Variants in MLLT1 observed in about 807,000 individuals in gnomAD.
MLLT1 encodes the protein protein ENL.
MLLT1 carries 11 observed loss-of-function variants against 55.1 expected under a neutral mutation model. The observed-to-expected ratio is 0.20, with a 90% CI of 0.13 to 0.33. The LOEUF (loss-of-function observed/expected upper bound fraction) is 0.33. Among genes scored for constraint, MLLT1 ranks in the 10% least tolerant of loss-of-function variants. MLLT1 has a pLI of 1.00. For synonymous variants in MLLT1, 323 were observed against 320.1 expected (o/e 1.01, Z -0.10); for missense variants, 536 against 760.6 (o/e 0.70, Z 3.47).
intron 2 of MLLT1, among the ~76,000 whole-genome samples, chr19:6,265,057 C>CAAAAAAAAAAAAA (rs1206210263): frequency 3.1e-5 from 1 of 32,600 alleles, no homozygotes; most frequent in Non-Finnish European, 6.8e-5. Context: ...AACAAAAAAA[C>CAAAAAAAAAAAAA]AAAAAAACAA....
rs2090875741 is a variant in MLLT1, at chr19:6,219,597, C to T, written c.1111-1556G>A. On this transcript the variant is annotated intron_variant, in intron 6 of 11. Coordinates refer to ENST00000252674, the MANE Select transcript of MLLT1 (RefSeq NM_005934.4). The surrounding 1 kb of genome is among the most constrained non-coding windows in gnomAD (Gnocchi z 4.5). ...CCAGCACCGCCAGCTGCCTGCACAC[C>T]GAGGCCAAGGCTAGTCCTCCCTTGA... Among the ~76,000 whole-genome samples the T allele has an allele frequency of 6.6e-6, 1 of 152,200 alleles. No individual in the cohort carries two copies. Among genetic ancestry groups the T allele is most frequent in the Admixed American group, 6.5e-5 (1 of 15,280 alleles).
chr19:6,249,228 T>G (rs2091194787), intron 3 of MLLT1, among the ~76,000 whole-genome samples: 1 of 152,192 alleles, frequency 6.6e-6, no homozygotes, highest in African/African-American at 2.4e-5. Flanking sequence ...ATACACTGAG[T>G]TAACCCAATT....
intron 2 of MLLT1, among the ~76,000 whole-genome samples, chr19:6,264,144 A>G (rs1157351434): frequency 6.6e-6 from 1 of 152,142 alleles, no homozygotes; most frequent in Non-Finnish European, 1.5e-5. Flanking sequence ...TAAAGCGGTT[A>G]TTAAAAAAAA....
intron 2 of MLLT1, among the ~76,000 whole-genome samples, chr19:6,267,755 C>T (rs867047060): frequency 2.6e-5 from 4 of 152,138 alleles, no homozygotes; most frequent in Admixed American, 6.5e-5. Context: ...AATCTATAAT[C>T]GGGGAGCGAA....
chr19:6,215,243 C>G (rs1013484773), intron 8 of MLLT1, among the ~76,000 whole-genome samples: 1 of 152,238 alleles, frequency 6.6e-6, no homozygotes. Flanking sequence ...AAAGGCGCTT[C>G]GCGTGTGGCT....
chr19:6,253,420 C>A (rs901424923), intron 3 of MLLT1, among the ~76,000 whole-genome samples: 17 of 152,022 alleles, frequency 1.1e-4, no homozygotes, highest in African/African-American at 3.6e-4. Flanking sequence ...ACAAACACCA[C>A]TCCTGCTCAA....
In MLLT1 at chr19:6,231,019, A is replaced by G. The variant is rs1378206636; in HGVS notation, c.277-306T>C. Among the ~76,000 whole-genome samples, 2 of 152,326 alleles carry G rather than the reference A, an allele frequency of 1.3e-5. No individual in the cohort carries two copies. The highest frequency in any genetic ancestry group is 1.3e-4 in the Admixed American group (2 of 15,308). On this transcript the variant is annotated intron_variant, in intron 3 of 11. Transcript: ENST00000252674. The surrounding 1 kb of genome is among the most constrained non-coding windows in gnomAD (Gnocchi z 5.1). ...AACCCTCACAGCGCCACTGACAGAC[A>G]GGGAAACCGACGCACAGACACCAAC...
chr19:6,260,784 T>C (rs1288211053), intron 3 of MLLT1, among the ~76,000 whole-genome samples: 2 of 152,230 alleles, frequency 1.3e-5, no homozygotes, highest in African/African-American at 4.8e-5. Flanking sequence ...AGGTTGAGGA[T>C]ACAGTGAGCT....
At chr19:6,244,777 T>C (rs922086570) in intron 3 of MLLT1, among the ~76,000 whole-genome samples, 2 of 151,750 alleles carry the variant, frequency 1.3e-5, no homozygotes, top group Admixed American at 1.3e-4. Flanking sequence ...AAGGGCAAAA[T>C]TCTGAACAGA....
In MLLT1 at chr19:6,218,029, T is replaced by A. The variant is rs2090862289; in HGVS notation, c.1123A>T (p.Ser375Cys). 1 of 1,609,422 alleles carries A rather than the reference T, an allele frequency of 6.2e-7. No individual in the cohort carries two copies. Among genetic ancestry groups the A allele is most frequent in the Admixed American group, 1.7e-5 (1 of 59,592 alleles). The stretch of plus-strand genomic sequence containing the variant: ...GAGCTGGAGCTGGAGTTGGACGGGC[T>A]TGACTGGGCAGACTTCACCCAATGG... Reference protein sequence around the residue: ...ASFKSESAQSSPSNSSSSSDS... With the variant: ...ASFKSESAQSCPSNSSSSSDS... The change falls in exon 7 of 12, where the codon AGC becomes TGC. Residue 375 changes from serine (S) to cysteine (C), a missense_variant. Ser to Cys is a moderately radical substitution (Grantham distance 112, BLOSUM62 -1). Transcript: ENST00000252674.
intron 3 of MLLT1, among the ~76,000 whole-genome samples, chr19:6,260,303 G>T (rs1387301798): frequency 6.6e-6 from 1 of 152,198 alleles, no homozygotes; most frequent in East Asian, 1.9e-4. Context: ...CAGGAAGTCA[G>T]GACAGAAACA....
intron 6 of MLLT1, among the ~76,000 whole-genome samples, chr19:6,221,671 A>T (rs190480064): frequency 6.6e-6 from 1 of 152,182 alleles, no homozygotes; most frequent in Non-Finnish European, 1.5e-5. Context: ...TGAAGCCCTC[A>T]TCATTAACCT....
intron 3 of MLLT1, among the ~76,000 whole-genome samples, chr19:6,248,358 G>T (rs571751101): frequency 3.7e-4 from 57 of 152,338 alleles, no homozygotes; most frequent in African/African-American, 1.3e-3. Flanking sequence ...GGATGGAGGG[G>T]TTAATTCCTC....
rs1397586564 is a variant in MLLT1 at position 6,230,507 on chromosome 19, C to G, written c.420+63G>C. 2 of 1,589,462 alleles carry G rather than the reference C, an allele frequency of 1.3e-6. No homozygotes were observed. The highest frequency in any genetic ancestry group is 4.5e-5 in the East Asian group (2 of 44,726). On this transcript the variant is annotated intron_variant, in intron 4 of 11. Transcript: ENST00000252674. This position sits in a 1 kb window ranked among gnomAD's most constrained non-coding sequence, Gnocchi z 9.0. ...ACCGACACCTCTGGCTGGGCACAGA[C>G]GGCCGCAGCAAAGTAGCCTCGGTGG...
chr19:6,243,171 C>T (rs1052350180), intron 3 of MLLT1, among the ~76,000 whole-genome samples: 12 of 152,286 alleles, frequency 7.9e-5, no homozygotes, highest in Middle Eastern at 3.4e-3. Context: ...GGTCACCAAG[C>T]GGTAAAGCTG....
rs537384006 is a variant in MLLT1, at chr19:6,240,273, G to A, written c.277-9560C>T. The stretch of plus-strand genomic sequence containing the variant: ...GGCCTGCAGCCCCATGTGAAACAGC[G>A]AAAGCCAGCCACCTACAGGCCTGCC... On this transcript the variant is annotated intron_variant, in intron 3 of 11. Transcript: ENST00000252674. The surrounding 1 kb of genome is among the most constrained non-coding windows in gnomAD (Gnocchi z 4.7). Among the ~76,000 whole-genome samples the A allele has an allele frequency of 2.6e-5, 4 of 152,342 alleles. No homozygotes were observed. The highest frequency in any genetic ancestry group is 2.1e-4 in the South Asian group (1 of 4,834).
At chr19:6,267,569 G>A (rs1178253203) in intron 2 of MLLT1, among the ~76,000 whole-genome samples, 1 of 152,038 alleles carries the variant, frequency 6.6e-6, no homozygotes, top group South Asian at 2.1e-4. Context: ...AACCAAAAAT[G>A]ACCAAAAAGA....
At position 6,212,698 on chromosome 19, in the gene MLLT1, C is replaced by A. The variant is rs369227157; in HGVS notation, c.*344G>T. On this transcript the variant is annotated 3_prime_UTR_variant, in exon 12 of 12. Transcript: ENST00000252674. ...CTCAGAAAGGCTGGGGCAGCGACGC[C>A]GCACAGCCCGCCGAGCAGTGGGGGC... 3,045 of 1,135,210 alleles carry A rather than the reference C, an allele frequency of 2.7e-3. 7 individuals are homozygous for A. The highest frequency in any genetic ancestry group is 3.4e-3 in the South Asian group (105 of 30,918). The allele number at this position is 1,135,210 out of a possible 1,614,324, so 70.3% of individuals were successfully genotyped here.
At position 6,222,371 on chromosome 19, in the gene MLLT1, G is replaced by A. The variant is rs773773902; in HGVS notation, c.860C>T (p.Pro287Leu). 3.2e-5 allele frequency: 37 copies of A among 1,158,280 alleles called. No individual in the cohort carries two copies. In the East Asian group the frequency reaches 8.7e-4, roughly 27 times the overall value. 71.8% of individuals were successfully genotyped at this position (1,158,280 alleles called of 1,614,324 possible). Residue 287 changes from proline (P) to leucine (L), a missense_variant, in exon 6 of 12, where the codon CCG becomes CTG. By Grantham distance (98) the Pro-to-Leu change is moderately conservative (BLOSUM62 -3). Coordinates refer to ENST00000252674, the MANE Select transcript of MLLT1 (RefSeq NM_005934.4). This position sits in a 1 kb window ranked among gnomAD's most constrained non-coding sequence, Gnocchi z 4.1. ...GGGCTTTGGCGAGTCGGCGGTGGCC[G>A]GCCGCTTGCTGGAAGCCCGGGGTGG... The part of the protein sequence containing the change: ...PPPPRASSKR[P>L]ATADSPKPSA...
Sources: allele counts gnomAD v4.1 joint callset (sites outside exome capture counted in the v4.1 genomes callset), GRCh38; gene constraint gnomAD v4.1.1; non-coding constraint Gnocchi (gnomAD v3.1); transcripts MANE v1.5; gene names NCBI Gene and HGNC (gene_info 2026-07-23, HGNC 2026-07-21).